DSG2: variants seen among roughly 807,000 people sequenced by gnomAD.
DSG2 encodes the protein desmoglein-2.
In DSG2, 45 loss-of-function variants were observed where a neutral mutation model predicts 75.6. That is an observed-to-expected ratio of 0.60 (90% CI 0.47 to 0.76). The LOEUF is 0.76. DSG2 is among the 30% of genes least tolerant of loss of function. The pLI, the probability that DSG2 is intolerant of heterozygous loss-of-function variation, is 0.00. For missense variants in DSG2, 1,267 were observed against 1,357.4 expected, an observed-to-expected ratio of 0.93 and a Z score of 1.05; for synonymous variants, 429 against 483.9, an observed-to-expected ratio of 0.89 and a Z score of 1.49.
At chr18:31,529,194 G>A (rs1266148517) in intron 8 of DSG2, among the ~76,000 whole-genome samples, 1 of 152,118 alleles carries the variant, frequency 6.6e-6, no homozygotes, top group Non-Finnish European at 1.5e-5. Context: ...AGTTTACAGA[G>A]TTGTAAAAAA....
chr18:31,523,835 G>A (rs984532763), intron 6 of DSG2, among the ~76,000 whole-genome samples: 1 of 152,214 alleles, frequency 6.6e-6, no homozygotes, highest in Non-Finnish European at 1.5e-5. Context: ...CAGGCAGATG[G>A]CTCCAGGGTC....
chr18:31,501,631 C>T (rs527474552), intron 1 of DSG2, among the ~76,000 whole-genome samples: 1 of 152,292 alleles, frequency 6.6e-6, no homozygotes, highest in African/African-American at 2.4e-5. Context: ...CCTCCATCTG[C>T]GCATGGCATT....
Position 31,522,172 on chromosome 18 carries a change from C to T in DSG2, c.613C>T (p.Pro205Ser), listed in dbSNP as rs200946320. Residue 205 changes from proline to serine, a missense_variant, in exon 6 of 15, where the codon CCT (proline) becomes TCT (serine). Pro to Ser is a moderately conservative substitution (Grantham distance 74). Coordinates refer to ENST00000261590, the MANE Select transcript of DSG2 (RefSeq NM_001943.5). The stretch of plus-strand genomic sequence containing the variant: ...TTCCTATAGAATCGTATCTCTGGAG[C>T]CTGCTTATCCTCCAGTGTTCTACCT... The part of the protein sequence containing the change: ...KISYRIVSLE[P>S]AYPPVFYLNK... 1.1e-5 allele frequency: 17 copies of T among 1,613,070 alleles called. No homozygotes were observed. The highest frequency in any genetic ancestry group is 6.7e-5 in the African/African-American group (5 of 75,022).
Position 31,546,408 on chromosome 18 carries a change from C to G in DSG2, c.3022C>G (p.Leu1008Val). ...GAATCCTCTGGAAGGCACTCAGCAT[C>G]TTCAAGATGTACCTTACGTCATGGT... ...GSNPLEGTQH[L>V]QDVPYVMVRE... The change falls in exon 15 of 15, where the codon CTT becomes GTT. Residue 1008 changes from leucine to valine, a missense_variant. Coordinates refer to ENST00000261590, the MANE Select transcript of DSG2 (RefSeq NM_001943.5). 1.2e-6 allele frequency: 2 copies of G among 1,614,170 alleles called. No individual in the cohort carries two copies. The highest frequency in any genetic ancestry group is 1.7e-6 in the Non-Finnish European group (2 of 1,180,024).
chr18:31,509,931 C>A (rs2144297745), intron 1 of DSG2, among the ~76,000 whole-genome samples: 1 of 152,304 alleles, frequency 6.6e-6, no homozygotes, highest in South Asian at 2.1e-4. Context: ...TTATTTCTTT[C>A]AGATTATTTC....
rs2073313542 is a variant in DSG2, at chr18:31,546,632, T to C, written c.3246T>C (p.Pro1082=). 6.2e-7 allele frequency: 1 copy of C among 1,614,224 alleles called. No homozygotes were observed. The highest frequency in any genetic ancestry group is 1.1e-5 in the South Asian group (1 of 91,086). ...CCACGGTGTCTGGAGCTGGAGTCCC[T>C]GGCCCTCTGCCAGATTTTGGTTTAG... is the stretch of plus-strand genomic sequence containing the variant. ...RNTTVSGAGV[P]GPLPDFGLEE... Residue 1082 remains proline, a synonymous_variant, in exon 15 of 15, where the codon CCT becomes CCC. Coordinates refer to ENST00000261590, the MANE Select transcript of DSG2 (RefSeq NM_001943.5).
rs759101277 is a variant in DSG2 at position 31,536,396 on chromosome 18, A to G, written c.1618A>G (p.Met540Val). 4 of 1,614,032 alleles carry G rather than the reference A, an allele frequency of 2.5e-6. No homozygotes were observed. Among genetic ancestry groups the G allele is most frequent in the African/African-American group, 1.3e-5 (1 of 74,952 alleles). ...SFSVIDKPPG[M>V]AEKWKIARQE... ...CTCCGTCATTGACAAACCACCTGGC[A>G]TGGCAGAAAAATGGAAAATAGCACG... Residue 540 changes from methionine (M) to valine (V), a missense_variant, in exon 11 of 15, where the codon ATG (methionine) becomes GTG (valine). Met to Val is a conservative substitution (Grantham distance 21, BLOSUM62 1). Coordinates refer to ENST00000261590, the MANE Select transcript of DSG2 (RefSeq NM_001943.5).
intron 10 of DSG2, 145 bp from the exon 11 acceptor site, chr18:31,536,057 G>A: frequency 1.4e-6 from 1 of 725,574 alleles, no homozygotes; most frequent in South Asian, 1.7e-5. Context: ...GATATTACTT[G>A]GTCCAAATTT....
chr18:31,498,803 G>T (rs1173497319), intron 1 of DSG2, among the ~76,000 whole-genome samples: 2 of 152,102 alleles, frequency 1.3e-5, no homozygotes, highest in East Asian at 1.9e-4. Flanking sequence ...CAAAAAGTTG[G>T]CTAAAAATTT....
At chr18:31,504,982 C>G (rs1849990547) in intron 1 of DSG2, among the ~76,000 whole-genome samples, 1 of 152,150 alleles carries the variant, frequency 6.6e-6, no homozygotes, top group South Asian at 2.1e-4. Flanking sequence ...TTCCATCTCC[C>G]TGACTTAGTA....
Position 31,536,361 on chromosome 18 carries a change from C to G in DSG2, c.1583C>G (p.Pro528Arg), listed in dbSNP as rs1023084089. 1 of 1,614,156 alleles carries G rather than the reference C, an allele frequency of 6.2e-7. No individual in the cohort carries two copies. Among genetic ancestry groups the G allele is most frequent in the Non-Finnish European group, 8.5e-7 (1 of 1,180,032 alleles). ...CTGGATGGACACCCAAACAGTGGCCCTTTCAGTTTCTCCGTCATTGACAAA... is the reference window on the plus strand; with the variant it reads ...CTGGATGGACACCCAAACAGTGGCCGTTTCAGTTTCTCCGTCATTGACAAA... ...EDLDGHPNSG[P>R]FSFSVIDKPP... is the part of the protein sequence containing the mutation. Residue 528 changes from proline (P) to arginine (R), a missense_variant, in exon 11 of 15, where the codon CCT becomes CGT. By Grantham distance (103) the Pro-to-Arg change is moderately radical. Coordinates refer to ENST00000261590, the MANE Select transcript of DSG2 (RefSeq NM_001943.5).
chr18:31,511,212 G>GC (rs1402696309), intron 1 of DSG2, among the ~76,000 whole-genome samples: 1 of 152,208 alleles, frequency 6.6e-6, no homozygotes, highest in Non-Finnish European at 1.5e-5. Context: ...TTGGCCAGTT[G>GC]CAGCCAGATA....
At chr18:31,539,551 G>A (rs1159472557) in intron 12 of DSG2, among the ~76,000 whole-genome samples, 1 of 152,132 alleles carries the variant, frequency 6.6e-6, no homozygotes, top group Non-Finnish European at 1.5e-5. Flanking sequence ...AACCAGTCCT[G>A]CCTGCCCTAC....
intron 6 of DSG2, among the ~76,000 whole-genome samples, chr18:31,523,401 CA>C (rs1434998365): frequency 6.6e-6 from 1 of 151,286 alleles, no homozygotes; most frequent in African/African-American, 2.4e-5. Flanking sequence ...ACTCCATATC[CA>C]AAAAAAAGAA....
Position 31,524,601 on chromosome 18 carries a change from C to T in DSG2, c.828+16C>T. The T allele has an allele frequency of 1.2e-6, 2 of 1,610,714 alleles. No homozygotes were observed. The highest frequency in any genetic ancestry group is 1.7e-6 in the Non-Finnish European group (2 of 1,177,450). ...AAATAAAGTGGTAACTATTATTCTT[C>T]TAATAACTGTACCTATTTATTTATA... On this transcript the variant is annotated intron_variant, in intron 7 of 14. Coordinates refer to ENST00000261590, the MANE Select transcript of DSG2 (RefSeq NM_001943.5).
intron 1 of DSG2, among the ~76,000 whole-genome samples, chr18:31,507,010 T>G (rs9807151): frequency 1 from 152,151 of 152,160 alleles, 76,071 homozygotes; most frequent in Middle Eastern, 1. Flanking sequence ...CACATGCCAT[T>G]GTGGTTTGCT....
At chr18:31,511,513 T>G (rs1362069240) in intron 1 of DSG2, among the ~76,000 whole-genome samples, 2 of 152,238 alleles carry the variant, frequency 1.3e-5, no homozygotes, top group Non-Finnish European at 2.9e-5. Flanking sequence ...GCTGAGATCT[T>G]AACTGCTCAG....
chr18:31,543,864 TAA>T (rs576034927), intron 14 of DSG2, among the ~76,000 whole-genome samples: 7 of 94,818 alleles, frequency 7.4e-5, no homozygotes, highest in Admixed American at 1.1e-4. Flanking sequence ...AAACTCTGTC[TAA>T]AAAAAAAAAA....
intron 13 of DSG2, among the ~76,000 whole-genome samples, chr18:31,541,773 G>A (rs1203407267): frequency 6.6e-6 from 1 of 152,086 alleles, no homozygotes; most frequent in Non-Finnish European, 1.5e-5. Flanking sequence ...CCTTCACCCT[G>A]GACCTCTCAC....
Sources: allele counts gnomAD v4.1 joint callset (sites outside exome capture counted in the v4.1 genomes callset), GRCh38; gene constraint gnomAD v4.1.1; transcripts MANE v1.5; gene names NCBI Gene and HGNC (gene_info 2026-07-23, HGNC 2026-07-21).